The following CYP1B1 variants were observed in gnomAD, a reference collection of about 807,000 sequenced individuals.
CYP1B1 encodes the protein cytochrome P450 family 1 subfamily B member 1.
CYP1B1 carries 22 observed loss-of-function variants against 29.9 expected under a neutral mutation model. The ratio of observed to expected loss-of-function variants is 0.74; its 90% CI spans 0.53 to 1.05. The LOEUF is 1.05. Ranked by LOEUF, CYP1B1 falls within the 50% of genes least tolerant of loss-of-function variation. The pLI, the probability that CYP1B1 is intolerant of heterozygous loss-of-function variation, is 0.00. For synonymous variants in CYP1B1, 375 were observed against 320.0 expected (o/e 1.17, Z -1.83); for missense variants, 883 against 746.9 (o/e 1.18, Z -2.12).
Position 38,070,633 on chromosome 2 carries a change from C to G in CYP1B1, c.*89G>C, listed in dbSNP as rs560006487. On this transcript the variant is annotated 3_prime_UTR_variant, in exon 3 of 3. Transcript: ENST00000610745. ...ACCTTAAACGCTAATTGAGAAGCAG[C>G]ACAAAAGAGGAACTGGAAAAAAACT... 2 of 1,151,252 alleles carry G rather than the reference C, an allele frequency of 1.7e-6. No individual in the cohort carries two copies. Among genetic ancestry groups the G allele is most frequent in the Admixed American group, 3.5e-5 (2 of 57,432 alleles). 71.3% of individuals were successfully genotyped at this position (1,151,252 alleles called of 1,614,324 possible).
intron 2 of CYP1B1, chr2:38,073,368 C>T (rs1356858352): frequency 6.6e-6 from 1 of 152,212 alleles, no homozygotes; most frequent in Non-Finnish European, 1.5e-5. Context: ...GATTTCTGGT[C>T]TCTTCGGCAA....
rs998489422 is a variant in CYP1B1 at position 38,071,091 on chromosome 2, A to G, written c.1263T>C (p.Phe421=). ...CATGATTCACAGACCACTGGTTGAC[A>G]AAAACCACAGTGTCCTTGGGAATGT... ...GYHIPKDTVV[F]VNQWSVNHDP... Residue 421 remains phenylalanine (F), a synonymous_variant, in exon 3 of 3, where the codon TTT becomes TTC. Coordinates refer to ENST00000610745, the MANE Select transcript of CYP1B1 (RefSeq NM_000104.4). 8 of 1,612,236 alleles carry G rather than the reference A, an allele frequency of 5.0e-6. No individual in the cohort carries two copies. The highest frequency in any genetic ancestry group is 1.3e-5 in the African/African-American group (1 of 74,880).
In CYP1B1 at chr2:38,068,114, A is replaced by T. The variant is rs1395229628; in HGVS notation, c.*2608T>A. On this transcript the variant is annotated 3_prime_UTR_variant, in exon 3 of 3. Transcript: ENST00000610745. ...CATACAAATGAAGCATTTAATAAAC[A>T]TTATACTTTATTGCAATAACCTGGA... The T allele has an allele frequency of 9.7e-6, 2 of 205,232 alleles. No homozygotes were observed. The highest frequency in any genetic ancestry group is 2.0e-5 in the Non-Finnish European group (2 of 99,916). 12.7% of individuals were successfully genotyped at this position (205,232 alleles called of 1,614,324 possible).
Position 38,075,408 on chromosome 2 carries a change from A to G in CYP1B1, c.-1-19T>C. On this transcript the variant is annotated intron_variant, in intron 1 of 2. Transcript: ENST00000610745. ...GCCCATGCTGGGGACAGAGAGGAGA[A>G]GGCGTGACACTCAGGGGTGCAGAGA... 6 of 1,609,222 alleles carry G rather than the reference A, an allele frequency of 3.7e-6. No individual in the cohort carries two copies. The highest frequency in any genetic ancestry group is 5.1e-6 in the Non-Finnish European group (6 of 1,179,522).
rs756975982 is a variant in CYP1B1, at chr2:38,074,463, T to C, written c.926A>G (p.His309Arg). 2.5e-6 allele frequency: 4 copies of C among 1,613,052 alleles called. No homozygotes were observed. The South Asian group carries it at 3.3e-5, about 13-fold the overall frequency. Residue 309 changes from histidine to arginine, a missense_variant, in exon 2 of 3, where the codon CAC (histidine) becomes CGC (arginine). Physicochemically the swap from His to Arg is conservative, Grantham distance 29. Transcript: ENST00000610745. ...CAAATCCAGCCGCGCGCCACCACCG[T>C]GCGAGTCCCCGGCCGCCTTCTTTTC... ...SAEKKAAGDS[H>R]GGGARLDLEN... is the part of the protein sequence containing the mutation.
At position 38,074,945 on chromosome 2, in the gene CYP1B1, GGCTGCGCGCC is replaced by G. The variant is rs2125316235; in HGVS notation, c.434_443del (p.Arg145ProfsTer4). On this transcript the variant is annotated frameshift_variant, in exon 2 of 3. Transcript: ENST00000610745. LOFTEE classifies it high-confidence loss of function. ...TGAAGAAGTTGCGCATCATGCTGTG[GGCTGCGCGCC>G]GCTGCACCTTCCAGTGCTCCGAGTA... 1.3e-6 allele frequency: 2 copies of G among 1,567,082 alleles called. No homozygotes were observed. The highest frequency in any genetic ancestry group is 3.4e-4 in the Middle Eastern group (2 of 5,956).
rs1212135470 is a variant in CYP1B1, at chr2:38,071,071, T to C, written c.1283A>G (p.Asn428Ser). Residue 428 changes from asparagine to serine, a missense_variant, in exon 3 of 3, where the codon AAT (asparagine) becomes AGT (serine). Physicochemically the swap from Asn to Ser is conservative, Grantham distance 46. Transcript: ENST00000610745. ...GTTAGGCCACTTCAGTGGGTCATGA[T>C]TCACAGACCACTGGTTGACAAAAAC... ...TVVFVNQWSV[N>S]HDPLKWPNPE... The C allele has an allele frequency of 6.2e-7, 1 of 1,613,240 alleles. No homozygotes were observed. The highest frequency in any genetic ancestry group is 8.5e-7 in the Non-Finnish European group (1 of 1,179,342).
chr2:38,070,272 A>C lies in CYP1B1; in HGVS notation c.*450T>G, dbSNP rs1682400443. On this transcript the variant is annotated 3_prime_UTR_variant, in exon 3 of 3. Transcript: ENST00000610745. The stretch of plus-strand genomic sequence containing the variant: ...ATTACTTGTCTCTGTCTCTTCAACA[A>C]TATACTCTGAAACTTTGTTTAATAT... 1 of 254,172 alleles carries C rather than the reference A, an allele frequency of 3.9e-6. No individual in the cohort carries two copies. Among genetic ancestry groups the C allele is most frequent in the East Asian group, 5.7e-5 (1 of 17,622 alleles). 15.7% of individuals were successfully genotyped at this position (254,172 alleles called of 1,614,324 possible). A position where few individuals can be genotyped will look rare whatever the true frequency, so the allele number is the denominator to read the frequency against.
Position 38,074,636 on chromosome 2 carries a change from G to A in CYP1B1, c.753C>T (p.Pro251=), listed in dbSNP as rs1682493129. The A allele has an allele frequency of 6.2e-7, 1 of 1,613,576 alleles. No individual in the cohort carries two copies. Among genetic ancestry groups the A allele is most frequent in the Non-Finnish European group, 8.5e-7 (1 of 1,180,024 alleles). ...CGCGGAAAACGGTGCGCACCGGGTTGGGGAAGTACTGCAGCCAGGGCATCA... is the reference window on the plus strand; with the variant it reads ...CGCGGAAAACGGTGCGCACCGGGTTAGGGAAGTACTGCAGCCAGGGCATCA... ...VDVMPWLQYF[P]NPVRTVFREF... is the part of the protein sequence containing the mutation. The change falls in exon 2 of 3, where the codon CCC becomes CCT. Residue 251 remains proline, a synonymous_variant. Transcript: ENST00000610745.
chr2:38,075,452 G>C (rs1682521107), intron 1 of CYP1B1, 63 bp from the exon 2 acceptor site: 4 of 1,533,300 alleles, frequency 2.6e-6, no homozygotes, highest in South Asian at 1.1e-5. Context: ...GGCGCCCCAC[G>C]CCCCTACCCC....
In CYP1B1 at chr2:38,071,267, C is replaced by A; in HGVS notation, c.1087G>T (p.Val363Phe). 5 of 1,613,080 alleles carry A rather than the reference C, an allele frequency of 3.1e-6. No individual in the cohort carries two copies. Among genetic ancestry groups the A allele is most frequent in the Non-Finnish European group, 4.2e-6 (5 of 1,180,036 alleles). The change falls in exon 3 of 3, where the codon GTC becomes TTC. Residue 363 changes from valine to phenylalanine, a missense_variant. Transcript: ENST00000610745. ...QTRVQAELDQ[V>F]VGRDRLPCMG... ...CAAGGCAGACGGTCCCTCCCCACGA[C>A]CTGATCCAATTCTGCCTGCACTCGA...
chr2:38,075,500 G>C (rs1204667124), intron 1 of CYP1B1, 111 bp from the exon 2 acceptor site: 1 of 1,085,468 alleles, frequency 9.2e-7, no homozygotes. Context: ...TGGAGAGGTC[G>C]GAGCTGACTC....
Position 38,067,809 on chromosome 2 carries a change from GATTAA to G in CYP1B1, c.*2908_*2912del. On this transcript the variant is annotated 3_prime_UTR_variant, in exon 3 of 3. Coordinates refer to ENST00000610745, the MANE Select transcript of CYP1B1 (RefSeq NM_000104.4). ...ATGATAAAGTACAAAAATAAGAAAAGATTAAATAAGAAGGTATCCTTGAGTTATAA... is the reference window on the plus strand; with the variant it reads ...ATGATAAAGTACAAAAATAAGAAAAGATAAGAAGGTATCCTTGAGTTATAA... 1 of 185,266 alleles carries G rather than the reference GATTAA, an allele frequency of 5.4e-6. No homozygotes were observed. The highest frequency in any genetic ancestry group is 1.1e-5 in the Non-Finnish European group (1 of 87,138). The allele number at this position is 185,266 out of a possible 1,614,324, so 11.5% of individuals were successfully genotyped here. A position where few individuals can be genotyped will look rare whatever the true frequency, so the allele number is the denominator to read the frequency against.
chr2:38,075,737 A>C, intron 1 of CYP1B1, 43 bp downstream of exon 1: 3 of 340,042 alleles, frequency 8.8e-6, no homozygotes, highest in Non-Finnish European at 1.1e-5. Context: ...GTAATAATCC[A>C]TCTGAAGAGG....
chr2:38,074,600 CT>C lies in CYP1B1; in HGVS notation c.788del (p.Gln263ArgfsTer15). ...TGAAGTTGCTGAAGTTGCGGTTGAGCTGCTCGAATTCGCGGAAAACGGTGCG... is the reference window on the plus strand; with the variant it reads ...TGAAGTTGCTGAAGTTGCGGTTGAGCGCTCGAATTCGCGGAAAACGGTGCG... ...PVRTVFREFE[Q>X]LNRNFSNFIL... On this transcript the variant is annotated frameshift_variant, in exon 2 of 3. Coordinates refer to ENST00000610745, the MANE Select transcript of CYP1B1 (RefSeq NM_000104.4). LOFTEE classifies it high-confidence loss of function. The C allele has an allele frequency of 6.2e-7, 1 of 1,613,338 alleles. No homozygotes were observed. The highest frequency in any genetic ancestry group is 8.5e-7 in the Non-Finnish European group (1 of 1,179,892).
In CYP1B1 at chr2:38,070,767, A is replaced by G; in HGVS notation, c.1587T>C (p.Leu529=). 1 of 1,614,190 alleles carries G rather than the reference A, an allele frequency of 6.2e-7. No homozygotes were observed. The highest frequency in any genetic ancestry group is 2.2e-5 in the East Asian group (1 of 44,894). ...NVTLRESMEL[L]DSAVQNLQAK... ...CTTGTAAATTTTGGACAGCACTATC[A>G]AGGAGCTCCATGGACTCTCTGAGAG... The change falls in exon 3 of 3, where the codon CTT becomes CTC. Residue 529 remains leucine, a synonymous_variant. Transcript: ENST00000610745.
At chr2:38,073,946 C>A (rs546850611) in intron 2 of CYP1B1, 38 of 234,584 alleles carry the variant, frequency 1.6e-4, no homozygotes, top group African/African-American at 8.4e-4. Flanking sequence ...CTGTGTTTAA[C>A]ATATTTATGA....
Position 38,075,004 on chromosome 2 carries a change from C to G in CYP1B1, c.385G>C (p.Gly129Arg). ...TAGTGGCCGAAAGCCATGCTGCGGC[C>G]GCCGGACACCACACGGAAGGAGGCG... ...AFASFRVVSG[G>R]RSMAFGHYSE... The change falls in exon 2 of 3, where the codon GGC (glycine) becomes CGC (arginine). Residue 129 changes from glycine (G) to arginine (R), a missense_variant. Gly to Arg is a moderately radical substitution (Grantham distance 125). Coordinates refer to ENST00000610745, the MANE Select transcript of CYP1B1 (RefSeq NM_000104.4). 1 of 1,590,198 alleles carries G rather than the reference C, an allele frequency of 6.3e-7. No homozygotes were observed. Among genetic ancestry groups the G allele is most frequent in the Non-Finnish European group, 8.5e-7 (1 of 1,176,242 alleles).
At position 38,075,209 on chromosome 2, in the gene CYP1B1, G is replaced by T. The variant is rs572392563; in HGVS notation, c.180C>A (p.Ile60=). Residue 60 remains isoleucine, a synonymous_variant, in exon 2 of 3, where the codon ATC becomes ATA. Transcript: ENST00000610745. ...CCTGGCCCACCGCCGCCGCGTTTCCGATCAGTGGCCACGCAAACGGGCCCG... is the reference window on the plus strand; with the variant it reads ...CCTGGCCCACCGCCGCCGCGTTTCCTATCAGTGGCCACGCAAACGGGCCCG... The part of the protein sequence containing the change: ...APPGPFAWPL[I]GNAAAVGQAA... 9 of 1,580,254 alleles carry T rather than the reference G, an allele frequency of 5.7e-6. No individual in the cohort carries two copies. Among genetic ancestry groups the T allele is most frequent in the Non-Finnish European group, 6.8e-6 (8 of 1,169,788 alleles).
Sources: gnomAD v4.1 joint callset for allele counts on GRCh38, gnomAD v4.1.1 for gene constraint, MANE v1.5 for transcripts, NCBI Gene and HGNC (gene_info 2026-07-23, HGNC 2026-07-21) for gene names.